The following RANBP3L variants were observed in gnomAD, a reference collection of about 807,000 sequenced individuals.
RANBP3L encodes ran-binding protein 3-like.
In RANBP3L, 56 loss-of-function variants were observed where a neutral mutation model predicts 67.2. That is an observed-to-expected ratio of 0.83 (90% confidence interval 0.67 to 1.04). The LOEUF (loss-of-function observed/expected upper bound fraction) is 1.04, where lower values mean the gene tolerates loss of function less well. Ranked by LOEUF, RANBP3L falls within the 50% of genes least tolerant of loss-of-function variation. RANBP3L has a pLI of 0.00. For synonymous variants in RANBP3L, 164 were observed against 181.4 expected, an observed-to-expected ratio of 0.90 and a Z score of 0.77; for missense variants, 496 against 535.5, an observed-to-expected ratio of 0.93 and a Z score of 0.73.
rs1423226 is a variant in RANBP3L, at chr5:36,249,199, A to C, written c.*455T>G. On this transcript the variant is annotated 3_prime_UTR_variant, in exon 14 of 14. Coordinates refer to ENST00000296604, the MANE Select transcript of RANBP3L (RefSeq NM_145000.5). Reference sequence around the variant, plus strand: ...ATTTCCCAGAAGATAAATAGGATTTAGTGAAATGTTATCATGCCATTATAC... The same window carrying C: ...ATTTCCCAGAAGATAAATAGGATTTCGTGAAATGTTATCATGCCATTATAC... The C allele has an allele frequency of 0.87, 132,839 of 151,952 alleles. 59,280 individuals carry two copies. The highest frequency in any genetic ancestry group is 0.97 in the Non-Finnish European group (65,942 of 67,870). 9.4% of individuals were successfully genotyped at this position (151,952 alleles called of 1,614,324 possible).
chr5:36,287,698 T>A (rs975576106), intron 1 of RANBP3L, among the ~76,000 whole-genome samples: 1 of 152,218 alleles, frequency 6.6e-6, no homozygotes, highest in Non-Finnish European at 1.5e-5. Context: ...TAGTTCTTTT[T>A]ATTATACCTC....
chr5:36,272,333 AGACC>A (rs1750277183), intron 1 of RANBP3L, among the ~76,000 whole-genome samples: 1 of 152,236 alleles, frequency 6.6e-6, no homozygotes, highest in Non-Finnish European at 1.5e-5. Context: ...AGACCAAGTA[AGACC>A]TCAGAACTTT....
chr5:36,247,824 G>A lies in RANBP3L; in HGVS notation c.*1830C>T, dbSNP rs552152998. On this transcript the variant is annotated 3_prime_UTR_variant, in exon 14 of 14. Coordinates refer to ENST00000296604, the MANE Select transcript of RANBP3L (RefSeq NM_145000.5). ...AATCCCTTGAACCCGGGAGGGGGAG[G>A]TTGAAGTGAGCCGAAATCGTGCCAC... Among the ~76,000 whole-genome samples, 5 of 152,324 alleles carry A rather than the reference G, an allele frequency of 3.3e-5. No homozygotes were observed. Among genetic ancestry groups the A allele is most frequent in the Non-Finnish European group, 5.9e-5 (4 of 68,032 alleles).
chr5:36,250,782 C>T (rs1313941334), intron 13 of RANBP3L, among the ~76,000 whole-genome samples: 2 of 152,040 alleles, frequency 1.3e-5, no homozygotes, highest in African/African-American at 4.8e-5. Context: ...TCACTGATTC[C>T]ACTTCAACCT....
chr5:36,280,095 C>A (rs554749722), intron 1 of RANBP3L, among the ~76,000 whole-genome samples: 2 of 152,214 alleles, frequency 1.3e-5, no homozygotes, highest in East Asian at 1.9e-4. Flanking sequence ...TCAAGGGAAC[C>A]ATTCATTTTA....
intron 6 of RANBP3L, among the ~76,000 whole-genome samples, chr5:36,262,859 A>G (rs745394056): frequency 1.2e-4 from 19 of 152,316 alleles, no homozygotes; most frequent in Non-Finnish European, 2.4e-4. Context: ...TTACCTAGTC[A>G]TTCAGATAAT....
chr5:36,267,551 C>G (rs1749899277), intron 4 of RANBP3L, among the ~76,000 whole-genome samples: 1 of 151,752 alleles, frequency 6.6e-6, no homozygotes, highest in Admixed American at 6.6e-5. Flanking sequence ...CTCTGTAGTT[C>G]CTGGGTAGAG....
At chr5:36,297,759 G>A (rs1355798268) in intron 1 of RANBP3L, among the ~76,000 whole-genome samples, 1 of 152,170 alleles carries the variant, frequency 6.6e-6, no homozygotes, top group Admixed American at 6.5e-5. Context: ...CTGGACTTGT[G>A]TTCTGGACTG....
rs551863859 is a variant in RANBP3L at position 36,254,134 on chromosome 5, A to G, written c.1025-345T>C. Among the ~76,000 whole-genome samples, 3 of 152,244 alleles carry G rather than the reference A, an allele frequency of 2.0e-5. No homozygotes were observed. The South Asian group carries it at 6.2e-4, about 31-fold the overall frequency. On this transcript the variant is annotated intron_variant, in intron 11 of 13. Coordinates refer to ENST00000296604, the MANE Select transcript of RANBP3L (RefSeq NM_145000.5). ...CCTTAAGTGTCCAAAAAATGGAATTAGTTAAATAAATTGTGGTGTAGTCAT... is the reference window on the plus strand; with the variant it reads ...CCTTAAGTGTCCAAAAAATGGAATTGGTTAAATAAATTGTGGTGTAGTCAT...
intron 1 of RANBP3L, among the ~76,000 whole-genome samples, chr5:36,289,124 T>G (rs189239972): frequency 1.4e-3 from 220 of 152,250 alleles, no homozygotes; most frequent in African/African-American, 5.1e-3. Flanking sequence ...TGGTTCATTT[T>G]CAGAAATATT....
Position 36,301,470 on chromosome 5 carries a change from G to T in RANBP3L, c.-54C>A. ...GATCACTAGGGCACCTCCTTCTCTG[G>T]CCAGTCACCTAAAGTGGCCTTCACC... On this transcript the variant is annotated 5_prime_UTR_variant, in exon 1 of 14. Transcript: ENST00000296604. 1 of 1,395,044 alleles carries T rather than the reference G, an allele frequency of 7.2e-7. No individual in the cohort carries two copies. The allele number at this position is 1,395,044 out of a possible 1,614,324, so 86.4% of individuals were successfully genotyped here. A position where few individuals can be genotyped will look rare whatever the true frequency, so the allele number is the denominator to read the frequency against.
In RANBP3L at chr5:36,301,627, A is replaced by C; in HGVS notation, c.-211T>G. On this transcript the variant is annotated 5_prime_UTR_variant, in exon 1 of 14. The change creates a new upstream start codon in the 5' untranslated region. Transcript: ENST00000296604. Reference sequence around the variant, plus strand: ...ATAATCACCAATGTTACTTCTCCTAAATATAAAGATGCCAATTCATTTGGT... The same window carrying C: ...ATAATCACCAATGTTACTTCTCCTACATATAAAGATGCCAATTCATTTGGT... 2.1e-6 allele frequency: 1 copy of C among 466,726 alleles called. No homozygotes were observed. The allele number at this position is 466,726 out of a possible 1,614,324, so 28.9% of individuals were successfully genotyped here.
chr5:36,255,642 A>T (rs1206922459), intron 10 of RANBP3L, 52 bp from the exon 11 acceptor site: 2 of 1,358,238 alleles, frequency 1.5e-6, no homozygotes, highest in Non-Finnish European at 1.0e-6. Context: ...TTTTCAAAGT[A>T]AATTATTTCC....
At chr5:36,284,625 C>T (rs75766852) in intron 1 of RANBP3L, among the ~76,000 whole-genome samples, 16 of 152,302 alleles carry the variant, frequency 1.1e-4, no homozygotes, top group Non-Finnish European at 2.1e-4. Flanking sequence ...CTCTCCAAGG[C>T]TGTATCAGTC....
intron 1 of RANBP3L, among the ~76,000 whole-genome samples, chr5:36,292,449 G>C (rs1254532641): frequency 6.6e-6 from 1 of 152,016 alleles, no homozygotes; most frequent in Non-Finnish European, 1.5e-5. Flanking sequence ...CATTGCTTTT[G>C]GTGTTTTAGA....
intron 1 of RANBP3L, among the ~76,000 whole-genome samples, chr5:36,273,909 C>T (rs1482178022): frequency 3.3e-5 from 5 of 152,158 alleles, no homozygotes; most frequent in Admixed American, 1.3e-4. Flanking sequence ...TCATAGTGAA[C>T]TGGATGTGTA....
At chr5:36,300,907 G>A (rs1195356509) in intron 1 of RANBP3L, among the ~76,000 whole-genome samples, 2 of 152,148 alleles carry the variant, frequency 1.3e-5, no homozygotes, top group Non-Finnish European at 2.9e-5. Flanking sequence ...CAATGAATGA[G>A]CCAGAGATCC....
chr5:36,277,938 G>T (rs1750710261), intron 1 of RANBP3L, among the ~76,000 whole-genome samples: 1 of 152,100 alleles, frequency 6.6e-6, no homozygotes, highest in African/African-American at 2.4e-5. Flanking sequence ...TGAGAGCCAA[G>T]CAAAGGGGGT....
At chr5:36,288,829 G>T (rs185533603) in intron 1 of RANBP3L, among the ~76,000 whole-genome samples, 2 of 151,714 alleles carry the variant, frequency 1.3e-5, no homozygotes, top group Non-Finnish European at 2.9e-5. Context: ...ATCATGAGCT[G>T]TAAGAGTTTT....
Sources: gnomAD v4.1 joint callset for allele counts (sites outside exome capture counted in the v4.1 genomes callset) on GRCh38, gnomAD v4.1.1 for gene constraint, MANE v1.5 for transcripts, NCBI Gene and HGNC (gene_info 2026-07-23, HGNC 2026-07-21) for gene names.